KMT2E: variants seen among roughly 807,000 people sequenced by gnomAD.
KMT2E encodes the protein histone reader KMT2E.
KMT2E carries 30 observed loss-of-function variants against 184.6 expected under a neutral mutation model. That is an observed-to-expected ratio of 0.16 (90% confidence interval 0.12 to 0.22). The LOEUF (loss-of-function observed/expected upper bound fraction) is 0.22, where lower values mean the gene tolerates loss of function less well. KMT2E is among the 10% of genes least tolerant of loss of function. The pLI is 1.00. For synonymous variants in KMT2E, 815 were observed against 776.5 expected (o/e 1.05, Z -0.82); for missense variants, 2,023 against 2,237.4 (o/e 0.90, Z 1.93).
chr7:105,041,408 C>A (rs1287838256), intron 3 of KMT2E, among the ~76,000 whole-genome samples: 2 of 152,120 alleles, frequency 1.3e-5, no homozygotes, highest in African/African-American at 2.4e-5. Context: ...GGGTTCCCCC[C>A]ACCCCCAGCA....
At chr7:105,041,144 TA>T (rs780544337) in intron 3 of KMT2E, 121 bp downstream of exon 3, 83,759 of 428,242 alleles carry the variant, frequency 0.2, 1 homozygote, top group South Asian at 0.26. Flanking sequence ...TTTTTTAAAG[TA>T]AAAAAAAAAA....
chr7:105,051,947 C>A (rs778221635), intron 3 of KMT2E, among the ~76,000 whole-genome samples: 5 of 152,114 alleles, frequency 3.3e-5, no homozygotes, highest in Non-Finnish European at 7.4e-5. Context: ...CTCATCCAGG[C>A]CCTTGTAATC....
chr7:105,084,180 G>C (rs1006575013), intron 13 of KMT2E, among the ~76,000 whole-genome samples: 1 of 152,076 alleles, frequency 6.6e-6, no homozygotes, highest in Non-Finnish European at 1.5e-5. Context: ...CATTTATCTT[G>C]AGATGGTGGA....
intron 1 of KMT2E, among the ~76,000 whole-genome samples, chr7:105,035,649 T>TGC (rs1373484078): frequency 1.3e-5 from 2 of 152,172 alleles, no homozygotes; most frequent in Admixed American, 1.3e-4. Flanking sequence ...TCGCCCAGGC[T>TGC]GTGCAGTTCA....
chr7:105,020,444 G>A (rs938882392), intron 1 of KMT2E, among the ~76,000 whole-genome samples: 1 of 152,066 alleles, frequency 6.6e-6, no homozygotes, highest in Admixed American at 6.6e-5. Flanking sequence ...AATTAGCTGG[G>A]CTTGGTGGCG....
intron 2 of KMT2E, among the ~76,000 whole-genome samples, chr7:105,039,701 G>C (rs1306980246): frequency 6.6e-6 from 1 of 152,122 alleles, no homozygotes; most frequent in Admixed American, 6.6e-5. Context: ...AACTGGGAGA[G>C]AGCTACCAGA....
chr7:105,105,628 C>T lies in KMT2E; in HGVS notation c.2386C>T (p.Pro796Ser). 6.2e-7 allele frequency: 1 copy of T among 1,611,922 alleles called. No homozygotes were observed. The highest frequency in any genetic ancestry group is 1.7e-5 in the Admixed American group (1 of 59,670). Reference sequence around the variant, plus strand: ...TAAGCATTATATTAGATTTACTTCACCATTCCTTTCAGAAAAAAGGAGAAG... The same window carrying T: ...TAAGCATTATATTAGATTTACTTCATCATTCCTTTCAGAAAAAAGGAGAAG... ...TPKHYIRFTS[P>S]FLSEKRRRKE... Residue 796 changes from proline to serine, a missense_variant, in exon 18 of 27, where the codon CCA becomes TCA. Pro to Ser is a moderately conservative substitution (Grantham distance 74). This residue lies in a region of KMT2E where 514 missense variants were observed against 621.8 expected (regional missense o/e 0.83). Coordinates refer to ENST00000311117, the MANE Select transcript of KMT2E (RefSeq NM_182931.3).
Position 105,112,604 on chromosome 7 carries a change from C to G in KMT2E, c.4848C>G (p.Thr1616=). ...PGHFLPSQNP[T]IHHQTAAAVV... Reference sequence around the variant, plus strand: ...ATTTTTTGCCCTCTCAGAACCCTACCATTCACCATCAAACTGCTGCTGCCG... The same window carrying G: ...ATTTTTTGCCCTCTCAGAACCCTACGATTCACCATCAAACTGCTGCTGCCG... Residue 1616 remains threonine, a synonymous_variant, in exon 27 of 27, where the codon ACC becomes ACG. Coordinates refer to ENST00000311117, the MANE Select transcript of KMT2E (RefSeq NM_182931.3). 6.2e-7 allele frequency: 1 copy of G among 1,614,018 alleles called. No homozygotes were observed. The highest frequency in any genetic ancestry group is 8.5e-7 in the Non-Finnish European group (1 of 1,179,998).
rs545934973 is a variant in KMT2E at position 105,087,703 on chromosome 7, C to T, written c.1359-2306C>T. Among the ~76,000 whole-genome samples, 6 of 152,056 alleles carry T rather than the reference C, an allele frequency of 3.9e-5. No individual in the cohort carries two copies. The East Asian group carries it at 5.8e-4, about 15-fold the overall frequency. ...CCTCCCAAAGTGCTGGGATTACAAG[C>T]GTGAATTACCACGCCCAGCCTCCCA... is the stretch of plus-strand genomic sequence containing the variant. On this transcript the variant is annotated intron_variant, in intron 13 of 26. Transcript: ENST00000311117.
In KMT2E at chr7:105,040,920, C is replaced by A; in HGVS notation, c.-33C>A. 1 of 1,567,056 alleles carries A rather than the reference C, an allele frequency of 6.4e-7. No homozygotes were observed. The highest frequency in any genetic ancestry group is 8.8e-7 in the Non-Finnish European group (1 of 1,140,324). ...GTTTTGGATACCAATGCATAGGACT[C>A]CATAGTAATCGAATTTACCAGAGGC... is the stretch of plus-strand genomic sequence containing the variant. On this transcript the variant is annotated 5_prime_UTR_variant, in exon 3 of 27. Coordinates refer to ENST00000311117, the MANE Select transcript of KMT2E (RefSeq NM_182931.3).
At chr7:105,070,935 T>A (rs989529593) in intron 6 of KMT2E, among the ~76,000 whole-genome samples, 1 of 152,208 alleles carries the variant, frequency 6.6e-6, no homozygotes, top group African/African-American at 2.4e-5. Flanking sequence ...GTCAAATATA[T>A]AAAGGAAAGT....
intron 1 of KMT2E, among the ~76,000 whole-genome samples, chr7:105,034,233 G>GTGTT (rs529021689): frequency 4.6e-5 from 7 of 152,222 alleles, no homozygotes; most frequent in South Asian, 2.1e-4. Flanking sequence ...TAGTGTGTGT[G>GTGTT]TGTTTGTTTG....
chr7:105,105,927 A>G lies in KMT2E; in HGVS notation c.2520A>G (p.Gln840=). 1 of 1,613,804 alleles carries G rather than the reference A, an allele frequency of 6.2e-7. No homozygotes were observed. The change falls in exon 19 of 27, where the codon CAA becomes CAG. Residue 840 remains glutamine, a synonymous_variant. Coordinates refer to ENST00000311117, the MANE Select transcript of KMT2E (RefSeq NM_182931.3). ...TACATAGATTTAATTCACCCTGTCA[A>G]GAAAGATCCAGAAGTCCTGCAGTCA... is the stretch of plus-strand genomic sequence containing the variant. ...AILHRFNSPC[Q]ERSRSPAVNG...
At chr7:105,016,430 C>T (rs1469239262) in intron 1 of KMT2E, among the ~76,000 whole-genome samples, 2 of 152,112 alleles carry the variant, frequency 1.3e-5, no homozygotes, top group East Asian at 3.8e-4. Context: ...CAAATATGCC[C>T]ATTTACCTAT....
chr7:105,107,215 GTCAAGAGGTAA>G lies in KMT2E; in HGVS notation c.2898_2904+4del. 1 of 1,560,580 alleles carries G rather than the reference GTCAAGAGGTAA, an allele frequency of 6.4e-7. No homozygotes were observed. Among genetic ancestry groups the G allele is most frequent in the Non-Finnish European group, 8.7e-7 (1 of 1,146,760 alleles). On this transcript the variant is annotated splice_donor_variant and splice_donor_region_variant and coding_sequence_variant and intron_variant, in exon 21 of 27. Coordinates refer to ENST00000311117, the MANE Select transcript of KMT2E (RefSeq NM_182931.3). LOFTEE classifies it high-confidence loss of function. ...CCAGAAATAAAGAGACGCACTTATA[GTCAAGAGGTAA>G]GAAGTTAACTTAAAAAGGGTGAATT... is the stretch of plus-strand genomic sequence containing the variant.
intron 11 of KMT2E, chr7:105,077,708 A>G: frequency 3.2e-6 from 1 of 313,748 alleles, no homozygotes; most frequent in South Asian, 4.2e-5. Context: ...AACCAACAGC[A>G]ATATAGGTTG....
rs1052172495 is a variant in KMT2E at position 105,112,496 on chromosome 7, T to G, written c.4740T>G (p.Thr1580=). ...NQLKGSLSQQ[T]VFTSGPNQAL... ...TCAAAGGTAGTCTTTCTCAACAAACTGTGTTTACATCAGGACCAAATCAAG... is the reference window on the plus strand; with the variant it reads ...TCAAAGGTAGTCTTTCTCAACAAACGGTGTTTACATCAGGACCAAATCAAG... Residue 1580 remains threonine, a synonymous_variant, in exon 27 of 27, where the codon ACT becomes ACG. Transcript: ENST00000311117. 1 of 1,613,910 alleles carries G rather than the reference T, an allele frequency of 6.2e-7. No homozygotes were observed. The highest frequency in any genetic ancestry group is 1.7e-5 in the Admixed American group (1 of 59,992).
chr7:105,101,659 A>C, intron 16 of KMT2E, 70 bp downstream of exon 16: 3 of 1,247,226 alleles, frequency 2.4e-6, no homozygotes, highest in Non-Finnish European at 3.2e-6. Flanking sequence ...TGCATTAATT[A>C]CTTATAAGGA....
intron 1 of KMT2E, among the ~76,000 whole-genome samples, chr7:105,026,374 G>C (rs1207661851): frequency 6.6e-6 from 1 of 152,142 alleles, no homozygotes; most frequent in African/African-American, 2.4e-5. Context: ...CTTTGTTGTC[G>C]TGTGAGATTT....
Sources: allele counts gnomAD v4.1 joint callset (sites outside exome capture counted in the v4.1 genomes callset), GRCh38; gene constraint gnomAD v4.1.1; regional missense constraint gnomAD v4.1.1; transcripts MANE v1.5; gene names NCBI Gene and HGNC (gene_info 2026-07-23, HGNC 2026-07-21).